Variants in VPS50 observed in about 807,000 individuals in gnomAD.
VPS50 encodes the protein syndetin.
A neutral mutation model predicts 139.7 loss-of-function variants in VPS50; 70 were observed. The observed-to-expected ratio is 0.50, with a 90% CI of 0.41 to 0.61. The LOEUF (loss-of-function observed/expected upper bound fraction) is 0.61. Among genes scored for constraint, VPS50 ranks in the 20% least tolerant of loss-of-function variants. VPS50 has a pLI of 0.00. For synonymous variants in VPS50, 365 were observed against 376.7 expected, an observed-to-expected ratio of 0.97 and a Z score of 0.36; for missense variants, 921 against 1,133.7, an observed-to-expected ratio of 0.81 and a Z score of 2.69.
At chr7:93,297,306 C>G (rs550016081) in intron 16 of VPS50, 63 bp downstream of exon 16, 28 of 1,376,454 alleles carry the variant, frequency 2.0e-5, no homozygotes, top group Middle Eastern at 4.8e-4. Flanking sequence ...TTGTCTAATA[C>G]TTAATCTTAT....
At chr7:93,271,071 A>G in intron 9 of VPS50, 149 bp from the exon 10 acceptor site, 1 of 1,224,186 alleles carries the variant, frequency 8.2e-7, no homozygotes, top group Non-Finnish European at 1.1e-6. Context: ...TTCTTATTGC[A>G]TTGTCTATAT....
At chr7:93,251,005 C>T (rs1584387817) in intron 2 of VPS50, among the ~76,000 whole-genome samples, 2 of 152,062 alleles carry the variant, frequency 1.3e-5, no homozygotes, top group Admixed American at 1.3e-4. Context: ...GTTAGAATGG[C>T]GATCATTAAA....
At chr7:93,283,727 G>A (rs1796398986) in intron 12 of VPS50, among the ~76,000 whole-genome samples, 1 of 152,156 alleles carries the variant, frequency 6.6e-6, no homozygotes, top group Admixed American at 6.5e-5. Flanking sequence ...TTGCAAGGGA[G>A]GAAAAAGTTG....
At chr7:93,321,283 C>T (rs111271915) in intron 20 of VPS50, 1 of 152,192 alleles carries the variant, frequency 6.6e-6, no homozygotes, top group Non-Finnish European at 1.5e-5. Flanking sequence ...ACCTACCAGC[C>T]TCGCCTTCTC....
At chr7:93,280,335 T>C (rs1373120052) in intron 12 of VPS50, among the ~76,000 whole-genome samples, 1 of 152,118 alleles carries the variant, frequency 6.6e-6, no homozygotes, top group African/African-American at 2.4e-5. Flanking sequence ...AGGTTCTTTT[T>C]TTAAAAAAAG....
At chr7:93,250,133 A>G (rs1199955561) in intron 2 of VPS50, among the ~76,000 whole-genome samples, 1 of 151,872 alleles carries the variant, frequency 6.6e-6, no homozygotes, top group Non-Finnish European at 1.5e-5. Flanking sequence ...TTTTCCAAGC[A>G]TATTTGATTA....
At chr7:93,316,910 G>A (rs147442563) in intron 20 of VPS50, among the ~76,000 whole-genome samples, 1 of 152,284 alleles carries the variant, frequency 6.6e-6, no homozygotes, top group Admixed American at 6.5e-5. Flanking sequence ...AACAATTTGA[G>A]TTCATAGAAA....
intron 12 of VPS50, among the ~76,000 whole-genome samples, chr7:93,289,602 TAGAG>T (rs1796591718): frequency 2.0e-5 from 3 of 152,114 alleles, no homozygotes; most frequent in African/African-American, 7.2e-5. Flanking sequence ...ATATCAATGT[TAGAG>T]AGAAATTGAT....
chr7:93,312,364 G>GT (rs1350514697), intron 20 of VPS50, among the ~76,000 whole-genome samples: 2 of 152,156 alleles, frequency 1.3e-5, no homozygotes, highest in African/African-American at 4.8e-5. Flanking sequence ...GGTCATTGGT[G>GT]TAAGTTGCCA....
chr7:93,276,665 A>G (rs929960845), intron 12 of VPS50, among the ~76,000 whole-genome samples: 2 of 152,114 alleles, frequency 1.3e-5, no homozygotes, highest in African/African-American at 2.4e-5. Flanking sequence ...CAGTTTTTTC[A>G]TGTGTATGAA....
At position 93,353,663 on chromosome 7, in the gene VPS50, G is replaced by A. The variant is rs1478966980; in HGVS notation, c.2487G>A (p.Arg829=). The change falls in exon 26 of 28, where the codon AGG becomes AGA. Residue 829 remains arginine, a synonymous_variant. Transcript: ENST00000305866. ...LLKEFEQFNR[R]LNEVSKRVRI... is the part of the protein sequence containing the mutation. ...AGGAATTTGAGCAGTTTAACAGGAGGCTAAATGAAGTTTCTAAGAGAGTTC... is the reference window on the plus strand; with the variant it reads ...AGGAATTTGAGCAGTTTAACAGGAGACTAAATGAAGTTTCTAAGAGAGTTC... 1.9e-6 allele frequency: 3 copies of A among 1,612,576 alleles called. No homozygotes were observed. The East Asian group carries it at 6.7e-5, about 36-fold the overall frequency.
At chr7:93,328,631 A>G (rs1021278224) in intron 21 of VPS50, among the ~76,000 whole-genome samples, 1 of 152,174 alleles carries the variant, frequency 6.6e-6, no homozygotes, top group Non-Finnish European at 1.5e-5. Context: ...CAGATGGGAG[A>G]AAGGGGAGCT....
chr7:93,269,098 G>A (rs1158373711), intron 9 of VPS50, among the ~76,000 whole-genome samples: 1 of 152,026 alleles, frequency 6.6e-6, no homozygotes, highest in East Asian at 1.9e-4. Flanking sequence ...AGGGAGAGAA[G>A]ATACTGATTT....
intron 12 of VPS50, among the ~76,000 whole-genome samples, chr7:93,287,908 C>G (rs574710918): frequency 6.6e-6 from 1 of 152,052 alleles, no homozygotes; most frequent in South Asian, 2.1e-4. Flanking sequence ...TAAAAATAAA[C>G]CAAGTGTATT....
At chr7:93,323,917 G>A (rs1191769328) in intron 21 of VPS50, among the ~76,000 whole-genome samples, 185 bp downstream of exon 21, 1 of 152,056 alleles carries the variant, frequency 6.6e-6, no homozygotes, top group African/African-American at 2.4e-5. Flanking sequence ...TTAATTTTAA[G>A]CTTTGGTATG....
intron 25 of VPS50, among the ~76,000 whole-genome samples, chr7:93,351,263 A>G (rs1426217681): frequency 6.6e-6 from 1 of 152,204 alleles, no homozygotes; most frequent in Non-Finnish European, 1.5e-5. Flanking sequence ...AAGAGAATCA[A>G]AGAAATAACT....
intron 21 of VPS50, among the ~76,000 whole-genome samples, chr7:93,326,200 A>G (rs549287542): frequency 0.042 from 6,280 of 150,770 alleles, 155 homozygotes; most frequent in African/African-American, 0.066. Context: ...CACAAGGACA[A>G]AAAACCAAAC....
chr7:93,308,862 G>A lies in VPS50; in HGVS notation c.1668G>A (p.Glu556=), dbSNP rs781265167. The change falls in exon 19 of 28, where the codon GAG becomes GAA. Residue 556 remains glutamate (E), a synonymous_variant. Coordinates refer to ENST00000305866, the MANE Select transcript of VPS50 (RefSeq NM_017667.4). The stretch of plus-strand genomic sequence containing the variant: ...AACAAGAAAAGAGTGCCTATCAAGA[G>A]TATGACAGTGACAGTGATGTTCCTG... ...SDEQEKSAYQ[E]YDSDSDVPEE... The A allele has an allele frequency of 1.2e-6, 2 of 1,607,156 alleles. No individual in the cohort carries two copies. The highest frequency in any genetic ancestry group is 1.3e-5 in the African/African-American group (1 of 74,674).
Position 93,303,549 on chromosome 7 carries a change from ATGT to A in VPS50, c.1452_1452+2del. ...TCAAATTTCAGCATCTTGCAACTTC[ATGT>A]AAGTGTTTCTTAAGAACAAAGAAAT... On this transcript the variant is annotated splice_donor_variant and coding_sequence_variant, in exon 17 of 28. Coordinates refer to ENST00000305866, the MANE Select transcript of VPS50 (RefSeq NM_017667.4). LOFTEE classifies it high-confidence loss of function. The A allele has an allele frequency of 7.0e-7, 1 of 1,433,400 alleles. No individual in the cohort carries two copies. Among genetic ancestry groups the A allele is most frequent in the Admixed American group, 1.7e-5 (1 of 58,106 alleles). The allele number at this position is 1,433,400 out of a possible 1,614,324, so 88.8% of individuals were successfully genotyped here. A position where few individuals can be genotyped will look rare whatever the true frequency, so the allele number is the denominator to read the frequency against.
Sources: gnomAD v4.1 joint callset for allele counts (sites outside exome capture counted in the v4.1 genomes callset) on GRCh38, gnomAD v4.1.1 for gene constraint, MANE v1.5 for transcripts, NCBI Gene and HGNC (gene_info 2026-07-23, HGNC 2026-07-21) for gene names.